ASPH: variants seen among roughly 807,000 people sequenced by gnomAD.
ASPH encodes aspartyl/asparaginyl beta-hydroxylase.
In ASPH, 100 loss-of-function variants were observed where a neutral mutation model predicts 118.4. That is an observed-to-expected ratio of 0.84 (90% CI 0.72 to 1.00). The LOEUF is 1.00. ASPH is among the 50% of genes least tolerant of loss of function. The pLI is 0.00. For missense variants in ASPH, 920 were observed against 919.5 expected, an observed-to-expected ratio of 1.00 and a Z score of -0.01; for synonymous variants, 315 against 325.6, an observed-to-expected ratio of 0.97 and a Z score of 0.35.
chr8:61,624,162 T>C (rs1026757943), intron 13 of ASPH: 17 of 868,742 alleles, frequency 2.0e-5, no homozygotes, highest in Middle Eastern at 5.9e-4. Context: ...ACATTTTCTA[T>C]ATCTGTATCG....
At chr8:61,665,127 T>C in intron 3 of ASPH, 1 of 1,467,224 alleles carries the variant, frequency 6.8e-7, no homozygotes, top group Non-Finnish European at 9.0e-7. Context: ...TAAGCACCAA[T>C]GATACATTCA....
At chr8:61,585,159 C>T (rs1422155095) in intron 14 of ASPH, among the ~76,000 whole-genome samples, 1 of 152,162 alleles carries the variant, frequency 6.6e-6, no homozygotes, top group Non-Finnish European at 1.5e-5. Context: ...GTTTTTGGCT[C>T]TGTGCACAAC....
chr8:61,625,614 A>G (rs181820720), intron 13 of ASPH: 1 of 976,232 alleles, frequency 1.0e-6, no homozygotes, highest in Non-Finnish European at 1.2e-6. Flanking sequence ...AAATAAATAA[A>G]TGATAATTTA....
chr8:61,546,031 T>A (rs940413048), intron 21 of ASPH, among the ~76,000 whole-genome samples: 5 of 152,224 alleles, frequency 3.3e-5, no homozygotes, highest in African/African-American at 1.2e-4. Context: ...TGAGTGCCCA[T>A]GAGACATGGT....
At chr8:61,681,702 A>G (rs1469262064) in intron 2 of ASPH, among the ~76,000 whole-genome samples, 1 of 151,860 alleles carries the variant, frequency 6.6e-6, no homozygotes, top group Non-Finnish European at 1.5e-5. Flanking sequence ...AGCACAGGCA[A>G]TCTATACTAA....
chr8:61,517,638 G>C lies in ASPH; in HGVS notation c.2016C>G (p.Pro672=), dbSNP rs768481858. ...RGQIKYSIMH[P]GTHVWPHTGP... ...CTGTGTGCGGCCACACGTGAGTCCC[G>C]GGGTGCATGATGGAATATTTGATCT... The change falls in exon 24 of 25, where the codon CCC becomes CCG. Residue 672 remains proline, a synonymous_variant. Coordinates refer to ENST00000379454, the MANE Select transcript of ASPH (RefSeq NM_004318.4). 1 of 1,614,006 alleles carries C rather than the reference G, an allele frequency of 6.2e-7. No individual in the cohort carries two copies. Among genetic ancestry groups the C allele is most frequent in the East Asian group, 2.2e-5 (1 of 44,850 alleles).
chr8:61,538,972 T>C (rs1009864693), intron 21 of ASPH, among the ~76,000 whole-genome samples: 1 of 152,202 alleles, frequency 6.6e-6, no homozygotes, highest in Non-Finnish European at 1.5e-5. Flanking sequence ...CCAGGTGTGG[T>C]GGCTCATGCC....
At chr8:61,583,070 G>A (rs960786870) in intron 15 of ASPH, 1 of 151,938 alleles carries the variant, frequency 6.6e-6, no homozygotes, top group East Asian at 1.9e-4. Flanking sequence ...CAAATATATC[G>A]ACAAATTAAA....
At chr8:61,567,459 T>A in intron 16 of ASPH, 141 bp from the exon 17 acceptor site, 1 of 847,398 alleles carries the variant, frequency 1.2e-6, no homozygotes, top group Non-Finnish European at 1.7e-6. Context: ...TATCAAGAGA[T>A]AAAAAAAACT....
intron 18 of ASPH, among the ~76,000 whole-genome samples, chr8:61,561,441 A>G (rs1403041339): frequency 6.6e-6 from 1 of 152,250 alleles, no homozygotes; most frequent in Non-Finnish European, 1.5e-5. Context: ...ATGTTATAAA[A>G]GCAAAGGTCT....
At chr8:61,659,235 C>CTCT (rs1255658115) in intron 3 of ASPH, 1 of 152,230 alleles carries the variant, frequency 6.6e-6, no homozygotes, top group Non-Finnish European at 1.5e-5. Flanking sequence ...CCACCTCAAT[C>CTCT]TCTTGTATCC....
chr8:61,568,383 G>C (rs922252515), intron 16 of ASPH, among the ~76,000 whole-genome samples: 2 of 152,152 alleles, frequency 1.3e-5, no homozygotes, highest in Admixed American at 6.5e-5. Flanking sequence ...GTGAGAAAGG[G>C]GGAGAGAGAA....
Position 61,562,807 on chromosome 8 carries a change from AT to A in ASPH, c.1373del (p.Asn458MetfsTer9). On this transcript the variant is annotated frameshift_variant, in exon 18 of 25. Coordinates refer to ENST00000379454, the MANE Select transcript of ASPH (RefSeq NM_004318.4). LOFTEE classifies it high-confidence loss of function. ...QLFPNDTSLK[N>X]DLGVGYLLIG... Reference sequence around the variant, plus strand: ...TCAAGAGGTATCCCACGCCAAGGTCATTTTTTAAGGAAGTATCATTGGGAAA... The same window carrying A: ...TCAAGAGGTATCCCACGCCAAGGTCATTTTTAAGGAAGTATCATTGGGAAA... 2 of 1,612,862 alleles carry A rather than the reference AT, an allele frequency of 1.2e-6. No homozygotes were observed. Among genetic ancestry groups the A allele is most frequent in the Non-Finnish European group, 1.7e-6 (2 of 1,179,550 alleles).
intron 3 of ASPH, among the ~76,000 whole-genome samples, chr8:61,678,846 A>C (rs1040547234): frequency 1.3e-5 from 2 of 152,064 alleles, no homozygotes; most frequent in Non-Finnish European, 2.9e-5. Context: ...GTGAGAACGT[A>C]CCTTGGAAGT....
intron 3 of ASPH, 130 bp from the exon 4 acceptor site, chr8:61,653,790 C>G: frequency 1.1e-6 from 1 of 936,356 alleles, no homozygotes; most frequent in South Asian, 1.8e-5. Flanking sequence ...AAATTGTATG[C>G]TTAAAAAGTG....
chr8:61,693,039 C>T (rs1032476850), intron 1 of ASPH, among the ~76,000 whole-genome samples: 6 of 152,156 alleles, frequency 3.9e-5, no homozygotes, highest in Non-Finnish European at 8.8e-5. Flanking sequence ...ATTATCCAAC[C>T]CTCCACTGTG....
chr8:61,559,941 TG>T (rs11345037), intron 18 of ASPH, among the ~76,000 whole-genome samples: 38,257 of 151,896 alleles, frequency 0.25, 7,102 homozygotes, highest in African/African-American at 0.53. Context: ...TGGTGAGGGT[TG>T]GGGGGGGGAG....
intron 1 of ASPH, among the ~76,000 whole-genome samples, chr8:61,697,397 T>C (rs1834173601): frequency 6.6e-6 from 1 of 152,158 alleles, no homozygotes; most frequent in Non-Finnish European, 1.5e-5. Context: ...CTGCAGCCAA[T>C]CAATTCTGCA....
At chr8:61,650,924 C>A (rs1416084901) in intron 5 of ASPH, 126 bp downstream of exon 5, 1 of 950,054 alleles carries the variant, frequency 1.1e-6, no homozygotes, top group Non-Finnish European at 1.5e-6. Flanking sequence ...ACTTTGAATT[C>A]AAAAACTTTT....
Sources: allele counts gnomAD v4.1 joint callset (sites outside exome capture counted in the v4.1 genomes callset), GRCh38; gene constraint gnomAD v4.1.1; transcripts MANE v1.5; gene names NCBI Gene and HGNC (gene_info 2026-07-23, HGNC 2026-07-21).